Variants in KLF7 observed in about 807,000 individuals in gnomAD.
KLF7 encodes KLF transcription factor 7.
KLF7 carries 2 observed loss-of-function variants against 27.3 expected under a neutral mutation model. The ratio of observed to expected loss-of-function variants is 0.07; its 90% CI spans 0.03 to 0.23. KLF7 has a LOEUF of 0.23. Among genes scored for constraint, KLF7 ranks in the 10% least tolerant of loss-of-function variants. The pLI, the probability that KLF7 is intolerant of heterozygous loss-of-function variation, is 1.00. For missense variants in KLF7, 221 were observed against 394.1 expected (o/e 0.56, Z 3.72); for synonymous variants, 165 against 162.4 (o/e 1.02, Z -0.12).
At chr2:207,099,613 A>G (rs2076716912) in intron 2 of KLF7, among the ~76,000 whole-genome samples, 1 of 126,018 alleles carries the variant, frequency 7.9e-6, no homozygotes, top group East Asian at 2.2e-4. Flanking sequence ...AAAAACCATA[A>G]GAAAGGATAA....
chr2:207,165,011 C>G (rs1469483182), intron 1 of KLF7, among the ~76,000 whole-genome samples: 9 of 150,890 alleles, frequency 6.0e-5, no homozygotes, highest in Admixed American at 2.6e-4. Context: ...CCCCCGCCCC[C>G]CATCCGATGG....
intron 2 of KLF7, among the ~76,000 whole-genome samples, chr2:207,115,998 T>C (rs1469865607): frequency 1.3e-5 from 2 of 152,096 alleles, no homozygotes; most frequent in Non-Finnish European, 2.9e-5. Context: ...ATTAGGTACT[T>C]AGGTAGGGAA....
chr2:207,128,709 T>C (rs1175495839), intron 1 of KLF7, among the ~76,000 whole-genome samples: 1 of 152,234 alleles, frequency 6.6e-6, no homozygotes, highest in Non-Finnish European at 1.5e-5. Flanking sequence ...TATTCTATGA[T>C]ATTTCTGTCA....
chr2:207,123,567 T>C (rs1196733984), intron 2 of KLF7, among the ~76,000 whole-genome samples: 2 of 152,172 alleles, frequency 1.3e-5, no homozygotes, highest in African/African-American at 4.8e-5. Flanking sequence ...GTTGGCACTG[T>C]AGGGACAAAC....
intron 2 of KLF7, chr2:207,121,694 TGCAGGTGCCA>T (rs1289506305): frequency 1.3e-5 from 2 of 152,220 alleles, no homozygotes; most frequent in African/African-American, 4.8e-5. Context: ...GGCAAGTAGT[TGCAGGTGCCA>T]GGTAACATAA....
intron 1 of KLF7, among the ~76,000 whole-genome samples, chr2:207,157,786 G>C (rs567549911): frequency 1.3e-5 from 2 of 152,282 alleles, no homozygotes; most frequent in African/African-American, 2.4e-5. Context: ...CCGCTAATTA[G>C]ATCTTTTCAC....
chr2:207,145,835 A>G (rs532171940), intron 1 of KLF7, among the ~76,000 whole-genome samples: 1 of 152,338 alleles, frequency 6.6e-6, no homozygotes, highest in South Asian at 2.1e-4. Context: ...GGCACACAGA[A>G]GGACCCCAGG....
chr2:207,091,848 C>T (rs59013715), intron 2 of KLF7, among the ~76,000 whole-genome samples: 3,126 of 152,190 alleles, frequency 0.021, 127 homozygotes, highest in African/African-American at 0.071. Context: ...CACCAACAGC[C>T]ACAGCTTGAT....
Position 207,152,416 on chromosome 2 carries a change from ATTGT to A in KLF7, c.102+13047_102+13050del, listed in dbSNP as rs1013648468. ...GAGGGATGTCTGATGGGAAAAAAAA[ATTGT>A]TTGGTATTGTCTCATTTTACTCCCA... On this transcript the variant is annotated intron_variant, in intron 1 of 3. Coordinates refer to ENST00000309446, the MANE Select transcript of KLF7 (RefSeq NM_003709.4). Among the ~76,000 whole-genome samples the A allele has an allele frequency of 1.1e-4, 16 of 152,272 alleles. No homozygotes were observed. In the East Asian group the frequency reaches 2.9e-3, roughly 28 times the overall value.
chr2:207,128,659 C>CA (rs1221290914), intron 1 of KLF7, among the ~76,000 whole-genome samples: 1 of 152,206 alleles, frequency 6.6e-6, no homozygotes, highest in Non-Finnish European at 1.5e-5. Flanking sequence ...ATATTGATCA[C>CA]ATGTACCCCT....
chr2:207,145,425 T>A (rs1358978986), intron 1 of KLF7, among the ~76,000 whole-genome samples: 2 of 152,204 alleles, frequency 1.3e-5, no homozygotes, highest in Non-Finnish European at 2.9e-5. Flanking sequence ...CTTTTTTGCT[T>A]AGCAAGATGA....
chr2:207,116,053 G>A (rs1319350537), intron 2 of KLF7, among the ~76,000 whole-genome samples: 1 of 152,180 alleles, frequency 6.6e-6, no homozygotes, highest in Non-Finnish European at 1.5e-5. Context: ...AGTTTGGCCA[G>A]GGCTATCCAG....
chr2:207,091,661 T>A (rs930886847), intron 2 of KLF7, among the ~76,000 whole-genome samples: 10 of 152,136 alleles, frequency 6.6e-5, no homozygotes, highest in Admixed American at 2.0e-4. Context: ...GCAGAAAAAA[T>A]ATATATAAAG....
At chr2:207,116,940 T>C (rs2077203528) in intron 2 of KLF7, among the ~76,000 whole-genome samples, 1 of 152,196 alleles carries the variant, frequency 6.6e-6, no homozygotes, top group African/African-American at 2.4e-5. Context: ...TATGAAACCA[T>C]ATTTCAGGCT....
chr2:207,163,199 G>T (rs1225407300), intron 1 of KLF7, among the ~76,000 whole-genome samples: 1 of 152,202 alleles, frequency 6.6e-6, no homozygotes, highest in Non-Finnish European at 1.5e-5. Flanking sequence ...AAGCTCACTG[G>T]AGTGATATAT....
intron 1 of KLF7, among the ~76,000 whole-genome samples, chr2:207,125,378 T>C (rs931308666): frequency 2.0e-5 from 3 of 152,212 alleles, no homozygotes; most frequent in African/African-American, 7.2e-5. Context: ...TTCCAGAATC[T>C]TGTATAAAAC....
intron 2 of KLF7, among the ~76,000 whole-genome samples, chr2:207,119,891 C>T (rs1267128086): frequency 6.6e-6 from 1 of 152,070 alleles, no homozygotes; most frequent in East Asian, 1.9e-4. Context: ...TTAGTAGAGA[C>T]GGGTGTTGGT....
chr2:207,081,887 TCA>T (rs1204937190), intron 3 of KLF7, among the ~76,000 whole-genome samples: 1 of 148,638 alleles, frequency 6.7e-6, no homozygotes, highest in Non-Finnish European at 1.5e-5. Flanking sequence ...AGAAGGGTGC[TCA>T]CAGTTATTGA....
chr2:207,081,345 C>T, intron 3 of KLF7, 81 bp from the exon 4 acceptor site: 1 of 1,221,380 alleles, frequency 8.2e-7, no homozygotes, highest in South Asian at 1.2e-5. Flanking sequence ...AAATGATTTC[C>T]CTTACTTTAA....
Sources: gnomAD v4.1 joint callset for allele counts (sites outside exome capture counted in the v4.1 genomes callset) on GRCh38, gnomAD v4.1.1 for gene constraint, MANE v1.5 for transcripts, NCBI Gene and HGNC (gene_info 2026-07-23, HGNC 2026-07-21) for gene names.